Variants in COBL observed in about 807,000 individuals in gnomAD.
The protein encoded by COBL is protein cordon-bleu.
A neutral mutation model predicts 98.8 loss-of-function variants in COBL; 51 were observed. That is an observed-to-expected ratio of 0.52 (90% CI 0.41 to 0.65). COBL has a LOEUF of 0.65. Ranked by LOEUF, COBL falls within the 30% of genes least tolerant of loss-of-function variation. The pLI is 0.00. For synonymous variants in COBL, 634 were observed against 651.7 expected (o/e 0.97, Z 0.41); for missense variants, 1,617 against 1,617.5 (o/e 1.00, Z 0.01).
chr7:51,032,302 T>C (rs1788242631), intron 8 of COBL: 1 of 152,252 alleles, frequency 6.6e-6, no homozygotes, highest in African/African-American at 2.4e-5. Flanking sequence ...GACAATGGCA[T>C]CTGTGAGACA....
intron 1 of COBL, among the ~76,000 whole-genome samples, chr7:51,283,857 A>T (rs540383857): frequency 6.6e-6 from 1 of 152,244 alleles, no homozygotes; most frequent in South Asian, 2.1e-4. Context: ...CAATTTTACT[A>T]AGCATTTAAA....
intron 6 of COBL, among the ~76,000 whole-genome samples, chr7:51,107,284 G>A (rs560163466): frequency 9.2e-5 from 14 of 151,836 alleles, no homozygotes; most frequent in Non-Finnish European, 1.8e-4. Context: ...TAGTAGAGAC[G>A]GGGTTTCACC....
chr7:51,252,971 G>A (rs945266099), intron 1 of COBL, among the ~76,000 whole-genome samples: 4 of 152,024 alleles, frequency 2.6e-5, no homozygotes, highest in Admixed American at 6.6e-5. Context: ...GCCTGTAATC[G>A]CAGCACCTTG....
rs567086525 is a variant in COBL, at chr7:51,054,937, G to A, written c.1097-11245C>T. On this transcript the variant is annotated intron_variant, in intron 7 of 12. Coordinates refer to ENST00000265136, the MANE Select transcript of COBL (RefSeq NM_015198.5). Reference sequence around the variant, plus strand: ...CCTTCCTCGTTTCAGCAGAGAAGGTGGTCCGCTATCCAGGATCCAAACCTT... The same window carrying A: ...CCTTCCTCGTTTCAGCAGAGAAGGTAGTCCGCTATCCAGGATCCAAACCTT... 2.6e-5 allele frequency among the ~76,000 whole-genome samples: 4 copies of A among 152,308 alleles called. No homozygotes were observed. In the South Asian group the frequency reaches 8.3e-4, roughly 32 times the overall value.
At chr7:51,303,841 T>C (rs1409059347) in intron 1 of COBL, among the ~76,000 whole-genome samples, 1 of 152,210 alleles carries the variant, frequency 6.6e-6, no homozygotes, top group Admixed American at 6.5e-5. Flanking sequence ...ACATCATTTT[T>C]AAAGGTGGTC....
intron 1 of COBL, among the ~76,000 whole-genome samples, chr7:51,270,724 G>T (rs1166470174): frequency 6.6e-6 from 1 of 151,858 alleles, no homozygotes; most frequent in Non-Finnish European, 1.5e-5. Flanking sequence ...TATGCAAAAA[G>T]AATTCTGAAA....
intron 6 of COBL, among the ~76,000 whole-genome samples, chr7:51,089,153 C>T (rs1370203708): frequency 6.6e-6 from 1 of 152,106 alleles, no homozygotes; most frequent in Non-Finnish European, 1.5e-5. Context: ...GCGTCTTCTG[C>T]TGGGCCTCTT....
At chr7:51,074,278 C>T (rs1792850869) in intron 7 of COBL, among the ~76,000 whole-genome samples, 1 of 143,854 alleles carries the variant, frequency 7.0e-6, no homozygotes, top group Admixed American at 7.4e-5. Flanking sequence ...TCACTGCAAC[C>T]TCCAACTCCC....
At chr7:51,134,787 C>T (rs1799072124) in intron 6 of COBL, among the ~76,000 whole-genome samples, 1 of 152,088 alleles carries the variant, frequency 6.6e-6, no homozygotes, top group Admixed American at 6.5e-5. Context: ...AGACACACTG[C>T]AGAAAATCAG....
chr7:51,046,446 T>C (rs915025681), intron 7 of COBL, among the ~76,000 whole-genome samples: 3 of 152,150 alleles, frequency 2.0e-5, no homozygotes, highest in African/African-American at 7.2e-5. Flanking sequence ...CAATTTCTGA[T>C]CCCTCCTTTC....
intron 5 of COBL, among the ~76,000 whole-genome samples, chr7:51,153,523 T>G (rs564623892): frequency 2.0e-5 from 3 of 152,340 alleles, no homozygotes; most frequent in African/African-American, 7.2e-5. Flanking sequence ...TGCTGAAGAT[T>G]TCATTGTGAC....
intron 10 of COBL, among the ~76,000 whole-genome samples, chr7:51,026,981 A>G (rs555804139): frequency 2.6e-5 from 4 of 152,316 alleles, no homozygotes; most frequent in South Asian, 4.1e-4. Context: ...GAAGGCACAC[A>G]TAAGAATCAA....
At chr7:51,276,211 G>A (rs1216613724) in intron 1 of COBL, among the ~76,000 whole-genome samples, 1 of 152,208 alleles carries the variant, frequency 6.6e-6, no homozygotes, top group Non-Finnish European at 1.5e-5. Context: ...AGCACATTTT[G>A]AAGCTGTTCT....
chr7:51,128,949 T>G (rs1314210375), intron 6 of COBL, among the ~76,000 whole-genome samples: 1 of 152,254 alleles, frequency 6.6e-6, no homozygotes, highest in Admixed American at 6.5e-5. Context: ...AAGATCGTTC[T>G]CTAGCTCTGG....
At chr7:51,017,921 TGA>T (rs912335378) in intron 12 of COBL, among the ~76,000 whole-genome samples, 7 of 152,210 alleles carry the variant, frequency 4.6e-5, no homozygotes, top group African/African-American at 1.7e-4. Context: ...CAGGTGTGCC[TGA>T]GAGGATCGTG....
intron 7 of COBL, chr7:51,071,865 T>C (rs530045436): frequency 1.0e-3 from 158 of 152,272 alleles, no homozygotes; most frequent in African/African-American, 3.5e-3. Flanking sequence ...ATTTAATGAT[T>C]TGAGGTCAAA....
rs192017848 is a variant in COBL at position 51,189,680 on chromosome 7, T to G, written c.685+1170A>C. ...AAAATACATTTTTGTTGGAAAAAATTAGAAAAAAAAGTCATAGAAAAACAG... is the reference window on the plus strand; with the variant it reads ...AAAATACATTTTTGTTGGAAAAAATGAGAAAAAAAAGTCATAGAAAAACAG... On this transcript the variant is annotated intron_variant, in intron 4 of 12. Coordinates refer to ENST00000265136, the MANE Select transcript of COBL (RefSeq NM_015198.5). Among the ~76,000 whole-genome samples the G allele has an allele frequency of 2.0e-3, 295 of 150,846 alleles. 3 individuals carry two copies. The highest frequency in any genetic ancestry group is 6.2e-3 in the African/African-American group (254 of 41,100).
chr7:51,073,189 T>C (rs1792732635), intron 7 of COBL: 1 of 414,418 alleles, frequency 2.4e-6, no homozygotes, highest in South Asian at 1.0e-4. Context: ...CAAATCTCTG[T>C]TATTAATGCA....
At chr7:51,140,293 T>G (rs1402924000) in intron 5 of COBL, among the ~76,000 whole-genome samples, 2 of 151,346 alleles carry the variant, frequency 1.3e-5, no homozygotes, top group Admixed American at 6.6e-5. Flanking sequence ...CCAAAGACAA[T>G]GCAAAACTCT....
Sources: gnomAD v4.1 joint callset for allele counts (sites outside exome capture counted in the v4.1 genomes callset) on GRCh38, gnomAD v4.1.1 for gene constraint, MANE v1.5 for transcripts, NCBI Gene and HGNC (gene_info 2026-07-23, HGNC 2026-07-21) for gene names.